The following ONECUT2 variants were observed in gnomAD, a reference collection of about 807,000 sequenced individuals.
The protein encoded by ONECUT2 is one cut homeobox 2.
In ONECUT2, 10 loss-of-function variants were observed where a neutral mutation model predicts 27.9. That is an observed-to-expected ratio of 0.36 (90% CI 0.22 to 0.61). The LOEUF is 0.61. Ranked by LOEUF, ONECUT2 falls within the 20% of genes least tolerant of loss-of-function variation. ONECUT2 has a pLI of 0.73. For missense variants in ONECUT2, 686 were observed against 721.0 expected, an observed-to-expected ratio of 0.95 and a Z score of 0.56; for synonymous variants, 334 against 315.1, an observed-to-expected ratio of 1.06 and a Z score of -0.64.
At chr18:57,447,703 C>T (rs2050208445) in intron 1 of ONECUT2, among the ~76,000 whole-genome samples, 1 of 152,154 alleles carries the variant, frequency 6.6e-6, no homozygotes, top group Admixed American at 6.5e-5. Flanking sequence ...CCCAGGTATA[C>T]ACAAACGGAT....
chr18:57,461,757 G>A (rs1433640695), intron 1 of ONECUT2, among the ~76,000 whole-genome samples: 1 of 152,204 alleles, frequency 6.6e-6, no homozygotes, highest in Non-Finnish European at 1.5e-5. Context: ...GAAATCTCCT[G>A]GACCCTTCCC....
intron 1 of ONECUT2, among the ~76,000 whole-genome samples, chr18:57,467,532 A>AC (rs1555674736): frequency 1.3e-5 from 2 of 151,350 alleles, no homozygotes; most frequent in African/African-American, 4.9e-5. Flanking sequence ...CACTTGGCTA[A>AC]TTTTTTTTAT....
chr18:57,437,066 G>A (rs1365319075), intron 1 of ONECUT2, 122 bp downstream of exon 1: 33 of 1,427,548 alleles, frequency 2.3e-5, no homozygotes, highest in Admixed American at 2.8e-5. Flanking sequence ...TCCTATACAC[G>A]TCCTCTTTCT....
At position 57,435,984 on chromosome 18, in the gene ONECUT2, G is replaced by A. The variant is rs2050137591; in HGVS notation, c.268G>A (p.Glu90Lys). The change falls in exon 1 of 2, where the codon GAG becomes AAG. Residue 90 changes from glutamate (E) to lysine (K), a missense_variant. Physicochemically the swap from Glu to Lys is moderately conservative, Grantham distance 56. Around this residue, in one of 4 missense-constraint regions of ONECUT2, gnomAD observed 511 missense variants for 488.1 expected, o/e 1.05. Coordinates refer to ENST00000491143, the MANE Select transcript of ONECUT2 (RefSeq NM_004852.3). ...GPPPPPTAHQ[E>K]LGTAAAAAAA... ...TCCGCCGCCTCCAACCGCGCACCAG[G>A]AGCTGGGCACGGCGGCAGCGGCGGC... The A allele has an allele frequency of 6.7e-7, 1 of 1,487,884 alleles. No individual in the cohort carries two copies. Among genetic ancestry groups the A allele is most frequent in the Admixed American group, 2.1e-5 (1 of 47,656 alleles). 92.2% of individuals were successfully genotyped at this position (1,487,884 alleles called of 1,614,324 possible).
intron 1 of ONECUT2, among the ~76,000 whole-genome samples, chr18:57,473,062 A>G (rs2050362649): frequency 6.6e-6 from 1 of 152,232 alleles, no homozygotes; most frequent in Admixed American, 6.5e-5. Context: ...AGGGGCAAGC[A>G]TAGTGGTTTC....
intron 1 of ONECUT2, among the ~76,000 whole-genome samples, chr18:57,459,408 A>G (rs898410364): frequency 6.6e-6 from 1 of 152,226 alleles, no homozygotes; most frequent in Non-Finnish European, 1.5e-5. Context: ...CTATGTGCCC[A>G]ACACTAGAGC....
chr18:57,437,715 G>A (rs1309622923), intron 1 of ONECUT2, among the ~76,000 whole-genome samples: 1 of 152,258 alleles, frequency 6.6e-6, no homozygotes, highest in Admixed American at 6.5e-5. Flanking sequence ...TGGGAGAAGA[G>A]ACTGAGGTGG....
intron 1 of ONECUT2, among the ~76,000 whole-genome samples, chr18:57,455,380 A>G (rs901630988): frequency 2.0e-5 from 3 of 152,252 alleles, no homozygotes; most frequent in African/African-American, 7.2e-5. Flanking sequence ...ATGCAAGTTT[A>G]TTTAAACAGT....
intron 1 of ONECUT2, among the ~76,000 whole-genome samples, chr18:57,438,875 G>GACTGGCTGACAGTTCTTA (rs1333634223): frequency 6.6e-6 from 1 of 152,158 alleles, no homozygotes; most frequent in Non-Finnish European, 1.5e-5. Context: ...ATGAACTGGA[G>GACTGGCTGACAGTTCTTA]ACTGGCTGAC....
rs887852347 is a variant in ONECUT2 at position 57,485,268 on chromosome 18, T to C, written c.*8545T>C. 2.0e-5 allele frequency: 3 copies of C among 152,214 alleles called. No homozygotes were observed. Among genetic ancestry groups the C allele is most frequent in the East Asian group, 1.9e-4 (1 of 5,194 alleles). The allele number at this position is 152,214 out of a possible 1,614,324, so 9.4% of individuals were successfully genotyped here. A position where few individuals can be genotyped will look rare whatever the true frequency, so the allele number is the denominator to read the frequency against. ...TTAAGCTCTTCAGCCTTTTCCTTTTTAGTTGTAGGTGTTTACATTTCATTT... is the reference window on the plus strand; with the variant it reads ...TTAAGCTCTTCAGCCTTTTCCTTTTCAGTTGTAGGTGTTTACATTTCATTT... On this transcript the variant is annotated 3_prime_UTR_variant, in exon 2 of 2. Coordinates refer to ENST00000491143, the MANE Select transcript of ONECUT2 (RefSeq NM_004852.3).
At chr18:57,476,103 T>C (rs2050380404) in intron 1 of ONECUT2, among the ~76,000 whole-genome samples, 1 of 152,190 alleles carries the variant, frequency 6.6e-6, no homozygotes, top group African/African-American at 2.4e-5. Flanking sequence ...TCTGGAGTCC[T>C]CCCTGCCTTC....
rs1306352368 is a variant in ONECUT2, at chr18:57,486,021, A to G, written c.*9298A>G. 6.6e-6 allele frequency: 1 copy of G among 152,656 alleles called. No individual in the cohort carries two copies. The highest frequency in any genetic ancestry group is 2.4e-5 in the African/African-American group (1 of 41,442). 9.5% of individuals were successfully genotyped at this position (152,656 alleles called of 1,614,324 possible). On this transcript the variant is annotated 3_prime_UTR_variant, in exon 2 of 2. Coordinates refer to ENST00000491143, the MANE Select transcript of ONECUT2 (RefSeq NM_004852.3). Reference sequence around the variant, plus strand: ...GATGACTTAATTCATTGAGCAGCAGAGCTCCCTATAAGTGAACATCACCTT... The same window carrying G: ...GATGACTTAATTCATTGAGCAGCAGGGCTCCCTATAAGTGAACATCACCTT...
At chr18:57,460,048 A>G (rs1365792808) in intron 1 of ONECUT2, among the ~76,000 whole-genome samples, 1 of 152,068 alleles carries the variant, frequency 6.6e-6, no homozygotes, top group Non-Finnish European at 1.5e-5. Flanking sequence ...AAAGCTTCCC[A>G]AGCAGCTAGG....
chr18:57,439,651 G>A (rs543474393), intron 1 of ONECUT2, among the ~76,000 whole-genome samples: 1 of 152,272 alleles, frequency 6.6e-6, no homozygotes, highest in East Asian at 1.9e-4. Flanking sequence ...GGCTTTCTCC[G>A]CCCGGAGTAT....
At chr18:57,462,723 C>CTTTTTTTTTTTTTTTTTTTT (rs57032206) in intron 1 of ONECUT2, among the ~76,000 whole-genome samples, 1 of 68,998 alleles carries the variant, frequency 1.4e-5, no homozygotes, top group African/African-American at 5.9e-5. Context: ...TATTTTCTTT[C>CTTTTTTTTTTTTTTTTTTTT]TTTTTTTTTT....
intron 1 of ONECUT2, among the ~76,000 whole-genome samples, chr18:57,449,720 A>G (rs2050219771): frequency 6.6e-6 from 1 of 152,146 alleles, no homozygotes; most frequent in African/African-American, 2.4e-5. Flanking sequence ...TGTCCTGTCC[A>G]TGTCTTTGCA....
In ONECUT2 at chr18:57,447,865, A is replaced by T. The variant is rs1477248044; in HGVS notation, c.1228+10921A>T. 3.0e-4 allele frequency among the ~76,000 whole-genome samples: 45 copies of T among 152,176 alleles called. 2 individuals are homozygous for T. The highest frequency in any genetic ancestry group is 2.9e-3 in the Admixed American group (45 of 15,276). ...TCGATAAATCTAGAAACTGGATTTGATTTCTTGAGAGTCTAGTGATGAGGC... is the reference window on the plus strand; with the variant it reads ...TCGATAAATCTAGAAACTGGATTTGTTTTCTTGAGAGTCTAGTGATGAGGC... On this transcript the variant is annotated intron_variant, in intron 1 of 1. Coordinates refer to ENST00000491143, the MANE Select transcript of ONECUT2 (RefSeq NM_004852.3).
intron 1 of ONECUT2, among the ~76,000 whole-genome samples, chr18:57,475,450 A>C (rs1203916243): frequency 6.6e-6 from 1 of 151,888 alleles, no homozygotes; most frequent in Admixed American, 6.5e-5. Context: ...GAGACACCGA[A>C]CCTGTCTGTG....
chr18:57,490,487 A>G lies in ONECUT2; in HGVS notation c.*13764A>G, dbSNP rs2050460040. 1 of 152,236 alleles carries G rather than the reference A, an allele frequency of 6.6e-6. No individual in the cohort carries two copies. Among genetic ancestry groups the G allele is most frequent in the South Asian group, 2.1e-4 (1 of 4,824 alleles). The allele number at this position is 152,236 out of a possible 1,614,324, so 9.4% of individuals were successfully genotyped here. On this transcript the variant is annotated 3_prime_UTR_variant, in exon 2 of 2. Coordinates refer to ENST00000491143, the MANE Select transcript of ONECUT2 (RefSeq NM_004852.3). ...TGAGGGAAGAAAGGAGGAGGTAAAG[A>G]GAGAAGAATTTGTCCCAGATCTGTT...
Sources: allele counts gnomAD v4.1 joint callset (sites outside exome capture counted in the v4.1 genomes callset), GRCh38; gene constraint gnomAD v4.1.1; regional missense constraint gnomAD v4.1.1; transcripts MANE v1.5; gene names NCBI Gene and HGNC (gene_info 2026-07-23, HGNC 2026-07-21).